ZBTB5: variants seen among roughly 807,000 people sequenced by gnomAD.
ZBTB5 encodes zinc finger and BTB domain-containing protein 5.
Under a neutral mutation model 37.9 loss-of-function variants are expected in ZBTB5, and 15 were observed. The observed-to-expected ratio is 0.40, with a 90% CI of 0.26 to 0.61. The LOEUF is 0.61. Among genes scored for constraint, ZBTB5 ranks in the 20% least tolerant of loss-of-function variants. The probability of loss-of-function intolerance (pLI) is 0.47; values close to 1 mark genes in which losing one functional copy is unlikely to be tolerated. For missense variants in ZBTB5, 708 were observed against 856.8 expected, an observed-to-expected ratio of 0.83 and a Z score of 2.17; for synonymous variants, 315 against 312.4, an observed-to-expected ratio of 1.01 and a Z score of -0.09.
rs1389544023 is a variant in ZBTB5 at position 37,439,384 on chromosome 9, C to T, written c.*1134G>A. 2 of 152,208 alleles carry T rather than the reference C, an allele frequency of 1.3e-5. No individual in the cohort carries two copies. The highest frequency in any genetic ancestry group is 2.9e-5 in the Non-Finnish European group (2 of 68,032). The allele number at this position is 152,208 out of a possible 1,614,324, so 9.4% of individuals were successfully genotyped here. The stretch of plus-strand genomic sequence containing the variant: ...CATGAACACTACCATGTTTGGATTT[C>T]AAACAACTTTAAACATTTGGTATCA... On this transcript the variant is annotated 3_prime_UTR_variant, in exon 2 of 2. Coordinates refer to ENST00000307750, the MANE Select transcript of ZBTB5 (RefSeq NM_014872.3).
At position 37,440,136 on chromosome 9, in the gene ZBTB5, G is replaced by A. The variant is rs575752504; in HGVS notation, c.*382C>T. The A allele has an allele frequency of 1.2e-5, 3 of 255,306 alleles. No individual in the cohort carries two copies. Among genetic ancestry groups the A allele is most frequent in the Non-Finnish European group, 2.3e-5 (3 of 130,500 alleles). 15.8% of individuals were successfully genotyped at this position (255,306 alleles called of 1,614,324 possible). On this transcript the variant is annotated 3_prime_UTR_variant, in exon 2 of 2. Transcript: ENST00000307750. ...AGTGCATTTTGCATCACTATACAGG[G>A]ATATAATACTCCCATCAGAAGGTAT...
At chr9:37,451,402 A>G (rs1824101090) in intron 1 of ZBTB5, among the ~76,000 whole-genome samples, 1 of 152,040 alleles carries the variant, frequency 6.6e-6, no homozygotes, top group Non-Finnish European at 1.5e-5. Flanking sequence ...CCCTGTCTCT[A>G]CAAAAATTAG....
chr9:37,448,934 C>T (rs906910989), intron 1 of ZBTB5, among the ~76,000 whole-genome samples: 1 of 151,490 alleles, frequency 6.6e-6, no homozygotes, highest in African/African-American at 2.4e-5. Context: ...GTCCCAGCTA[C>T]TGGGGAGGCT....
At chr9:37,446,865 G>A (rs1459522173) in intron 1 of ZBTB5, among the ~76,000 whole-genome samples, 1 of 152,198 alleles carries the variant, frequency 6.6e-6, no homozygotes. Context: ...AGCAGTAACA[G>A]GGAAGAAACA....
At chr9:37,461,415 A>G (rs1033090377) in intron 1 of ZBTB5, among the ~76,000 whole-genome samples, 3 of 152,240 alleles carry the variant, frequency 2.0e-5, no homozygotes, top group Non-Finnish European at 4.4e-5. Context: ...AACTCACCCT[A>G]AACATTTTAA....
At position 37,439,752 on chromosome 9, in the gene ZBTB5, C is replaced by A. The variant is rs1823820686; in HGVS notation, c.*766G>T. ...ACATGGAACTGTAACATCTGTAATA[C>A]AAGTTGGTTAAAATACTGCTCAAAC... is the stretch of plus-strand genomic sequence containing the variant. On this transcript the variant is annotated 3_prime_UTR_variant, in exon 2 of 2. Transcript: ENST00000307750. 1 of 151,434 alleles carries A rather than the reference C, an allele frequency of 6.6e-6. No homozygotes were observed. Among genetic ancestry groups the A allele is most frequent in the South Asian group, 2.1e-4 (1 of 4,712 alleles). 9.4% of individuals were successfully genotyped at this position (151,434 alleles called of 1,614,324 possible).
Position 37,440,972 on chromosome 9 carries a change from CCCCT to C in ZBTB5, c.1576_1579del (p.Arg526GlufsTer12), listed in dbSNP as rs764935002. On this transcript the variant is annotated frameshift_variant, in exon 2 of 2. Coordinates refer to ENST00000307750, the MANE Select transcript of ZBTB5 (RefSeq NM_014872.3). LOFTEE classifies it high-confidence loss of function. ...GTAGTAAGGAAAGTTACTGGCTCCT[CCCCT>C]TGGGGAACCTATCATTACCCTGGAG... is the stretch of plus-strand genomic sequence containing the variant. 1 of 1,614,198 alleles carries C rather than the reference CCCCT, an allele frequency of 6.2e-7. No homozygotes were observed. The highest frequency in any genetic ancestry group is 8.5e-7 in the Non-Finnish European group (1 of 1,180,048).
chr9:37,460,229 G>C (rs1401340871), intron 1 of ZBTB5, among the ~76,000 whole-genome samples: 2 of 151,954 alleles, frequency 1.3e-5, no homozygotes, highest in Admixed American at 1.3e-4. Flanking sequence ...ACTGAGGTCG[G>C]AAGTTCGAAA....
At chr9:37,461,990 T>C (rs1486753468) in intron 1 of ZBTB5, among the ~76,000 whole-genome samples, 1 of 152,118 alleles carries the variant, frequency 6.6e-6, no homozygotes, top group Non-Finnish European at 1.5e-5. Context: ...TACAAGGAAT[T>C]AGTTGGGTAC....
chr9:37,460,165 C>T (rs921815156), intron 1 of ZBTB5, among the ~76,000 whole-genome samples: 2 of 152,232 alleles, frequency 1.3e-5, no homozygotes, highest in South Asian at 2.1e-4. Flanking sequence ...CAGCTAGGCA[C>T]AGTGGCTCAC....
At chr9:37,456,473 A>G (rs1209655257) in intron 1 of ZBTB5, among the ~76,000 whole-genome samples, 2 of 152,236 alleles carry the variant, frequency 1.3e-5, no homozygotes, top group African/African-American at 4.8e-5. Flanking sequence ...GAAACTGAAC[A>G]GATTAGTTCT....
rs1164774672 is a variant in ZBTB5 at position 37,465,333 on chromosome 9, TCCTCCCCCTTCCAC to T, written c.-137_-124del. 1 of 150,380 alleles carries T rather than the reference TCCTCCCCCTTCCAC, an allele frequency of 6.6e-6. No homozygotes were observed. The highest frequency in any genetic ancestry group is 1.5e-5 in the Non-Finnish European group (1 of 67,560). 9.3% of individuals were successfully genotyped at this position (150,380 alleles called of 1,614,324 possible). ...TGACCAGCGTCTCCGTTACGGGACT[TCCTCCCCCTTCCAC>T]CCGCCCCCCTCCCACCCCGCCTCTA... On this transcript the variant is annotated 5_prime_UTR_variant, in exon 1 of 2. Transcript: ENST00000307750.
At chr9:37,458,209 G>A (rs1688248760) in intron 1 of ZBTB5, among the ~76,000 whole-genome samples, 1 of 152,206 alleles carries the variant, frequency 6.6e-6, no homozygotes, top group African/African-American at 2.4e-5. Flanking sequence ...AAACATCTGT[G>A]CTGAACACAG....
chr9:37,451,489 T>TG (rs1328373280), intron 1 of ZBTB5, among the ~76,000 whole-genome samples: 2 of 135,044 alleles, frequency 1.5e-5, no homozygotes, highest in African/African-American at 2.9e-5. Context: ...ACCTGGGAGA[T>TG]GGAGATTGCA....
At position 37,444,229 on chromosome 9, in the gene ZBTB5, GCT is replaced by G. The variant is rs567868780; in HGVS notation, c.-4-1676_-4-1675del. On this transcript the variant is annotated intron_variant, in intron 1 of 1. Coordinates refer to ENST00000307750, the MANE Select transcript of ZBTB5 (RefSeq NM_014872.3). ...TGTTTTGTTTTTGAGACAGAGTTTC[GCT>G]CTGTTCCCCCAGGCTGGAGTACAGT... is the stretch of plus-strand genomic sequence containing the variant. Among the ~76,000 whole-genome samples, 5 of 152,260 alleles carry G rather than the reference GCT, an allele frequency of 3.3e-5. 1 individual carries two copies. The South Asian group carries it at 1.0e-3, about 32-fold the overall frequency.
intron 1 of ZBTB5, among the ~76,000 whole-genome samples, chr9:37,447,771 T>C (rs1824016087): frequency 6.6e-6 from 1 of 151,842 alleles, no homozygotes; most frequent in African/African-American, 2.4e-5. Flanking sequence ...CTAGGCATAC[T>C]GATTTAAAAG....
Position 37,457,257 on chromosome 9 carries a change from C to CA in ZBTB5, c.-5+7957dup, listed in dbSNP as rs1824206391. 2.6e-5 allele frequency among the ~76,000 whole-genome samples: 4 copies of CA among 152,296 alleles called. No homozygotes were observed. The South Asian group carries it at 6.2e-4, about 24-fold the overall frequency. ...TTTTTGTTTTGTTTTGTTTTTGAGACAGAGTCTTGCTTTGCCACCCAGGCT... is the reference window on the plus strand; with the variant it reads ...TTTTTGTTTTGTTTTGTTTTTGAGACAAGAGTCTTGCTTTGCCACCCAGGCT... On this transcript the variant is annotated intron_variant, in intron 1 of 1. Transcript: ENST00000307750.
chr9:37,442,142 C>T lies in ZBTB5; in HGVS notation c.410G>A (p.Ser137Asn). ...SPPSERVQEQSARMQRSFMLQ... is the reference protein window; with the variant it reads ...SPPSERVQEQNARMQRSFMLQ... ...CATAAAGGAGCGCTGCATGCGGGCGCTCTGCTCCTGAACGCGCTCACTGGG... is the reference window on the plus strand; with the variant it reads ...CATAAAGGAGCGCTGCATGCGGGCGTTCTGCTCCTGAACGCGCTCACTGGG... Residue 137 changes from serine to asparagine, a missense_variant, in exon 2 of 2, where the codon AGC becomes AAC. Physicochemically the swap from Ser to Asn is conservative, Grantham distance 46. Transcript: ENST00000307750. 2 of 1,614,222 alleles carry T rather than the reference C, an allele frequency of 1.2e-6. No individual in the cohort carries two copies. Among genetic ancestry groups the T allele is most frequent in the Non-Finnish European group, 1.7e-6 (2 of 1,180,048 alleles).
chr9:37,450,478 C>T (rs1476371502), intron 1 of ZBTB5, among the ~76,000 whole-genome samples: 4 of 152,132 alleles, frequency 2.6e-5, no homozygotes. Flanking sequence ...GAGTAATATG[C>T]ATTGAGCAAA....
Sources: gnomAD v4.1 joint callset for allele counts (sites outside exome capture counted in the v4.1 genomes callset) on GRCh38, gnomAD v4.1.1 for gene constraint, MANE v1.5 for transcripts, NCBI Gene and HGNC (gene_info 2026-07-23, HGNC 2026-07-21) for gene names.